The following RC3H1 variants were observed in gnomAD, a reference collection of about 807,000 sequenced individuals.
RC3H1 encodes the protein ring finger and CCCH-type domains 1.
A neutral mutation model predicts 138.2 loss-of-function variants in RC3H1; 50 were observed. The ratio of observed to expected loss-of-function variants is 0.36; its 90% CI spans 0.29 to 0.46. The LOEUF is 0.46. Among genes scored for constraint, RC3H1 ranks in the 20% least tolerant of loss-of-function variants. The pLI is 1.00. For synonymous variants in RC3H1, 462 were observed against 489.1 expected, an observed-to-expected ratio of 0.94 and a Z score of 0.73; for missense variants, 1,031 against 1,388.1, an observed-to-expected ratio of 0.74 and a Z score of 4.09.
chr1:173,982,082 T>C (rs1660844873), intron 5 of RC3H1, among the ~76,000 whole-genome samples: 1 of 152,184 alleles, frequency 6.6e-6, no homozygotes, highest in Admixed American at 6.5e-5. Context: ...AGAAAATCTC[T>C]GAATAAAATT....
intron 2 of RC3H1, among the ~76,000 whole-genome samples, chr1:173,988,294 CT>C (rs1436447390): frequency 6.6e-6 from 1 of 152,158 alleles, no homozygotes; most frequent in Non-Finnish European, 1.5e-5. Flanking sequence ...ATGGTTTTAC[CT>C]TTTACAGATA....
chr1:173,998,858 T>C (rs1264682309), intron 1 of RC3H1, among the ~76,000 whole-genome samples: 2 of 152,146 alleles, frequency 1.3e-5, no homozygotes, highest in Non-Finnish European at 2.9e-5. Context: ...TTTGGGTGGC[T>C]GAGGTGGGAG....
intron 14 of RC3H1, among the ~76,000 whole-genome samples, chr1:173,948,285 T>G (rs1215047792): frequency 6.6e-6 from 1 of 152,156 alleles, no homozygotes; most frequent in Non-Finnish European, 1.5e-5. Flanking sequence ...GGAAAATAAC[T>G]TTGAAACAAC....
chr1:173,985,544 T>C (rs1660992777), intron 2 of RC3H1, among the ~76,000 whole-genome samples: 1 of 152,204 alleles, frequency 6.6e-6, no homozygotes, highest in Non-Finnish European at 1.5e-5. Flanking sequence ...AAATTAATAA[T>C]AATTGCATAT....
chr1:173,931,442 C>A lies in RC3H1; in HGVS notation c.*7279G>T, dbSNP rs1658373967. 1.3e-5 allele frequency: 2 copies of A among 152,150 alleles called. No individual in the cohort carries two copies. The highest frequency in any genetic ancestry group is 4.8e-5 in the African/African-American group (2 of 41,430). The allele number at this position is 152,150 out of a possible 1,614,324, so 9.4% of individuals were successfully genotyped here. On this transcript the variant is annotated 3_prime_UTR_variant, in exon 20 of 20. Transcript: ENST00000367696. ...AATAGCATTTTAACAAAATGGGCAT[C>A]TTTGATATAAACATGCACACAAATA...
chr1:174,005,452 T>C lies in RC3H1; in HGVS notation c.-150-12317A>G, dbSNP rs114695286. Among the ~76,000 whole-genome samples the C allele has an allele frequency of 4.4e-3, 677 of 152,344 alleles. 1 individual carries two copies. The highest frequency in any genetic ancestry group is 7.0e-3 in the Non-Finnish European group (476 of 68,028). On this transcript the variant is annotated intron_variant, in intron 1 of 19. Transcript: ENST00000367696. ...ATTATATAATTAAGATAGTTTTACA[T>C]ATATAAATTTCATTATAGTCTTTTG...
chr1:173,950,350 A>G (rs760405858), intron 14 of RC3H1, among the ~76,000 whole-genome samples: 12 of 150,292 alleles, frequency 8.0e-5, no homozygotes, highest in Non-Finnish European at 1.6e-4. Flanking sequence ...GAAGCAGGAG[A>G]ATCGCTTGAG....
intron 13 of RC3H1, among the ~76,000 whole-genome samples, chr1:173,957,325 T>G (rs567218001): frequency 1.3e-5 from 2 of 152,288 alleles, no homozygotes; most frequent in South Asian, 4.1e-4. Context: ...GATTTATAAA[T>G]GAAGAAACGT....
At chr1:173,951,928 A>G in intron 14 of RC3H1, 58 bp downstream of exon 14, 6 of 1,500,586 alleles carry the variant, frequency 4.0e-6, no homozygotes, top group Non-Finnish European at 4.5e-6. Context: ...GGTAATGGGT[A>G]AAAATTTATT....
chr1:173,962,177 G>C (rs1659915628), intron 11 of RC3H1, 82 bp from the exon 12 acceptor site: 1 of 1,230,740 alleles, frequency 8.1e-7, no homozygotes, highest in Non-Finnish European at 1.1e-6. Context: ...TTAAAATACT[G>C]AAACACTAAA....
At chr1:173,998,425 A>T (rs1203089334) in intron 1 of RC3H1, among the ~76,000 whole-genome samples, 1 of 152,212 alleles carries the variant, frequency 6.6e-6, no homozygotes, top group Non-Finnish European at 1.5e-5. Context: ...TTTACTGTTG[A>T]TAATTGCTAA....
At chr1:173,976,726 G>A (rs1026042804) in intron 7 of RC3H1, among the ~76,000 whole-genome samples, 2 of 151,978 alleles carry the variant, frequency 1.3e-5, no homozygotes, top group Non-Finnish European at 2.9e-5. Context: ...AGCAGTCAGG[G>A]AAAAAAATCA....
At chr1:173,955,923 G>C (rs111601249) in intron 13 of RC3H1, among the ~76,000 whole-genome samples, 7,235 of 152,046 alleles carry the variant, frequency 0.048, 570 homozygotes, top group African/African-American at 0.16. Context: ...CTGAGGTTAG[G>C]AGATCAAGAC....
At chr1:174,001,230 A>G (rs1661560204) in intron 1 of RC3H1, among the ~76,000 whole-genome samples, 1 of 152,224 alleles carries the variant, frequency 6.6e-6, no homozygotes, top group Non-Finnish European at 1.5e-5. Context: ...AAGTAGTAAG[A>G]AAGGACAAAA....
At chr1:173,974,644 G>A (rs918575127) in intron 7 of RC3H1, among the ~76,000 whole-genome samples, 1 of 135,354 alleles carries the variant, frequency 7.4e-6, no homozygotes, top group East Asian at 2.2e-4. Flanking sequence ...TGGAATCAGA[G>A]AGGAGGGAAT....
chr1:173,945,677 C>G (rs1031473961), intron 17 of RC3H1, among the ~76,000 whole-genome samples: 3 of 151,950 alleles, frequency 2.0e-5, no homozygotes, highest in African/African-American at 7.2e-5. Flanking sequence ...ATTCTTATTA[C>G]ACCGGAACTA....
In RC3H1 at chr1:173,946,817, G is replaced by A; in HGVS notation, c.2757C>T (p.Thr919=). ...ATGGAGAAGCTCCCCAGCCACCGTGGGTTCCATATGGACTATAATCTGTAA... is the reference window on the plus strand; with the variant it reads ...ATGGAGAAGCTCCCCAGCCACCGTGAGTTCCATATGGACTATAATCTGTAA... ...INISDYSPYG[T]HGGWGASPYS... Residue 919 remains threonine, a synonymous_variant, in exon 16 of 20, where the codon ACC becomes ACT. Coordinates refer to ENST00000367696, the MANE Select transcript of RC3H1 (RefSeq NM_172071.4). The A allele has an allele frequency of 6.2e-7, 1 of 1,608,872 alleles. No homozygotes were observed. Among genetic ancestry groups the A allele is most frequent in the Non-Finnish European group, 8.5e-7 (1 of 1,175,244 alleles).
In RC3H1 at chr1:173,934,067, G is replaced by A. The variant is rs1658485128; in HGVS notation, c.*4654C>T. ...TAAATCGTTACAGGTGCTTTTTACA[G>A]ATAGATTTTACAAATAAAACCTTTA... On this transcript the variant is annotated 3_prime_UTR_variant, in exon 20 of 20. Transcript: ENST00000367696. 6.6e-6 allele frequency: 1 copy of A among 152,100 alleles called. No homozygotes were observed. The highest frequency in any genetic ancestry group is 2.4e-5 in the African/African-American group (1 of 41,412). 9.4% of individuals were successfully genotyped at this position (152,100 alleles called of 1,614,324 possible).
chr1:173,993,444 C>A (rs1399939444), intron 1 of RC3H1, among the ~76,000 whole-genome samples: 1 of 150,870 alleles, frequency 6.6e-6, no homozygotes, highest in Non-Finnish European at 1.5e-5. Context: ...AATTTCGCTC[C>A]TGTTGCCCAG....
Sources: gnomAD v4.1 joint callset for allele counts (sites outside exome capture counted in the v4.1 genomes callset) on GRCh38, gnomAD v4.1.1 for gene constraint, MANE v1.5 for transcripts, NCBI Gene and HGNC (gene_info 2026-07-23, HGNC 2026-07-21) for gene names.